Variants in RNF216 observed in about 807,000 individuals in gnomAD.
RNF216 encodes E3 ubiquitin-protein ligase RNF216.
A neutral mutation model predicts 110.8 loss-of-function variants in RNF216; 72 were observed. The observed-to-expected ratio is 0.65, with a 90% confidence interval of 0.54 to 0.79. RNF216 has a LOEUF of 0.79. Among genes scored for constraint, RNF216 ranks in the 30% least tolerant of loss-of-function variants. RNF216 has a pLI of 0.00. For missense variants in RNF216, 1,342 were observed against 1,141.2 expected, an observed-to-expected ratio of 1.18 and a Z score of -2.54; for synonymous variants, 495 against 407.5, an observed-to-expected ratio of 1.21 and a Z score of -2.59.
chr7:5,640,641 A>G (rs541891596), intron 15 of RNF216, among the ~76,000 whole-genome samples: 1 of 152,372 alleles, frequency 6.6e-6, no homozygotes, highest in East Asian at 1.9e-4. Context: ...CACCATCTAC[A>G]GATACCATAT....
intron 8 of RNF216, among the ~76,000 whole-genome samples, chr7:5,722,803 T>A (rs946761061): frequency 1.3e-5 from 2 of 151,788 alleles, no homozygotes; most frequent in Non-Finnish European, 2.9e-5. Context: ...GGGCACATCA[T>A]CTAAGGTTAG....
At chr7:5,648,677 G>A (rs553569310) in intron 14 of RNF216, among the ~76,000 whole-genome samples, 52 of 150,308 alleles carry the variant, frequency 3.5e-4, no homozygotes, top group African/African-American at 1.3e-3. Context: ...GCAGTGAGCC[G>A]AGATAGCGCC....
intron 13 of RNF216, among the ~76,000 whole-genome samples, chr7:5,671,138 C>A (rs1435098581): frequency 2.6e-5 from 4 of 152,234 alleles, no homozygotes; most frequent in African/African-American, 9.6e-5. Flanking sequence ...TTTTGCCAGG[C>A]TCCCTAAGCT....
chr7:5,623,298 CAAA>C, intron 16 of RNF216, 119 bp from the exon 17 acceptor site: 4 of 824,670 alleles, frequency 4.9e-6, no homozygotes, highest in Non-Finnish European at 7.3e-6. Flanking sequence ...GATCAAAGCA[CAAA>C]ACGTGGACAC....
chr7:5,767,862 G>C (rs1222308071), intron 1 of RNF216, among the ~76,000 whole-genome samples: 17 of 152,170 alleles, frequency 1.1e-4, no homozygotes, highest in Non-Finnish European at 2.5e-4. Context: ...GCCTCCCAAA[G>C]TACTGGGATT....
intron 5 of RNF216, among the ~76,000 whole-genome samples, chr7:5,732,253 T>A (rs1395909204): frequency 6.6e-6 from 1 of 152,198 alleles, no homozygotes; most frequent in Admixed American, 6.5e-5. Flanking sequence ...ACCTGAGAAT[T>A]AGCCACCAGC....
At chr7:5,742,388 C>T (rs1429949230) in intron 3 of RNF216, among the ~76,000 whole-genome samples, 1 of 151,984 alleles carries the variant, frequency 6.6e-6, no homozygotes, top group Admixed American at 6.6e-5. Context: ...ACAAAAATAA[C>T]TCCACAGCAG....
chr7:5,640,322 A>C (rs1015684444), intron 15 of RNF216, among the ~76,000 whole-genome samples: 1 of 152,174 alleles, frequency 6.6e-6, no homozygotes, highest in African/African-American at 2.4e-5. Flanking sequence ...CCAAGATTAT[A>C]AAAGTCATTC....
In RNF216 at chr7:5,716,725, C is replaced by T; in HGVS notation, c.1686G>A (p.Gln562=). ...TGAGATTTCAAACTACCTTTTGATA[C>T]TGTTCTTCATTCATCTGTAGGGCAA... ...FLLALQMNEE[Q]YQKDGQLIEC... is the part of the protein sequence containing the mutation. The change falls in exon 10 of 17, where the codon CAG becomes CAA. Residue 562 remains glutamine, a synonymous_variant. Transcript: ENST00000389902. 3 of 1,595,384 alleles carry T rather than the reference C, an allele frequency of 1.9e-6. No individual in the cohort carries two copies. The highest frequency in any genetic ancestry group is 2.6e-6 in the Non-Finnish European group (3 of 1,169,240).
At chr7:5,671,812 A>AAAAAAAAAAAAAAAAC (rs1789935022) in intron 13 of RNF216, among the ~76,000 whole-genome samples, 1 of 150,078 alleles carries the variant, frequency 6.7e-6, no homozygotes, top group Non-Finnish European at 1.5e-5. Context: ...TCTCAAAAAA[A>AAAAAAAAAAAAAAAAC]AAAAAAAAAA....
chr7:5,764,676 G>A (rs1380318155), intron 1 of RNF216, among the ~76,000 whole-genome samples: 7 of 151,544 alleles, frequency 4.6e-5, no homozygotes, highest in Non-Finnish European at 7.4e-5. Flanking sequence ...TTCATAAGAA[G>A]CAATTAACAC....
intron 8 of RNF216, among the ~76,000 whole-genome samples, chr7:5,723,272 ATTTC>A (rs1320383963): frequency 6.6e-5 from 10 of 152,126 alleles, no homozygotes; most frequent in Non-Finnish European, 1.2e-4. Flanking sequence ...TTCACCTATT[ATTTC>A]TTTCGTCTTT....
chr7:5,713,825 C>T (rs1026730341), intron 11 of RNF216, among the ~76,000 whole-genome samples: 5 of 152,208 alleles, frequency 3.3e-5, no homozygotes, highest in Admixed American at 3.3e-4. Flanking sequence ...TCATTAAACT[C>T]ATCACCTCAT....
intron 13 of RNF216, among the ~76,000 whole-genome samples, chr7:5,709,926 T>C (rs569199837): frequency 1.3e-5 from 2 of 152,282 alleles, no homozygotes; most frequent in South Asian, 4.1e-4. Flanking sequence ...AGCTGAGTTT[T>C]AAAATTTTTT....
intron 14 of RNF216, chr7:5,649,919 C>T (rs1788285104): frequency 6.6e-6 from 1 of 152,192 alleles, no homozygotes; most frequent in Non-Finnish European, 1.5e-5. Context: ...CAGAGAACAC[C>T]AGCAGCCAGT....
intron 13 of RNF216, among the ~76,000 whole-genome samples, chr7:5,655,991 G>GACTACCAGTGATCATGCCTGTA (rs1185415995): frequency 6.6e-6 from 1 of 152,074 alleles, no homozygotes. Flanking sequence ...GGGTAGCTGA[G>GACTACCAGTGATCATGCCTGTA]ACTACCAGTG....
At chr7:5,663,761 G>A (rs1789315301) in intron 13 of RNF216, among the ~76,000 whole-genome samples, 1 of 151,838 alleles carries the variant, frequency 6.6e-6, no homozygotes, top group South Asian at 2.1e-4. Context: ...AGCCGGGTGT[G>A]GTGGCGCACG....
chr7:5,769,023 T>C, intron 1 of RNF216, among the ~76,000 whole-genome samples: 1 of 152,016 alleles, frequency 6.6e-6, no homozygotes, highest in East Asian at 1.9e-4. Flanking sequence ...TTAACTATTT[T>C]GACTAAATAA....
intron 1 of RNF216, among the ~76,000 whole-genome samples, chr7:5,767,497 G>A (rs568363234): frequency 6.6e-6 from 1 of 151,954 alleles, no homozygotes; most frequent in Non-Finnish European, 1.5e-5. Flanking sequence ...CCACCAAGTT[G>A]TTAACCTATG....
Sources: allele counts gnomAD v4.1 joint callset (sites outside exome capture counted in the v4.1 genomes callset), GRCh38; gene constraint gnomAD v4.1.1; transcripts MANE v1.5; gene names NCBI Gene and HGNC (gene_info 2026-07-23, HGNC 2026-07-21).